The following MMP26 variants were observed in gnomAD, a reference collection of about 807,000 sequenced individuals.
The protein encoded by MMP26 is matrix metallopeptidase 26.
Under a neutral mutation model 31.0 loss-of-function variants are expected in MMP26, and 33 were observed. That is an observed-to-expected ratio of 1.06 (90% CI 0.81 to 1.42). The LOEUF (loss-of-function observed/expected upper bound fraction) is 1.42. Ranked by LOEUF, MMP26 falls within the 40% of genes most tolerant of loss-of-function variation. The pLI is 0.00. For synonymous variants in MMP26, 122 were observed against 114.9 expected (o/e 1.06, Z -0.40); for missense variants, 347 against 316.1 (o/e 1.10, Z -0.74).
intron 2 of MMP26, among the ~76,000 whole-genome samples, chr11:4,845,345 T>C (rs2133493698): frequency 6.6e-6 from 1 of 152,254 alleles, no homozygotes; most frequent in Non-Finnish European, 1.5e-5. Flanking sequence ...AAGCACTCTA[T>C]AGATTTAATG....
intron 2 of MMP26, among the ~76,000 whole-genome samples, chr11:4,858,676 C>T (rs957826925): frequency 2.6e-5 from 4 of 152,086 alleles, no homozygotes; most frequent in Admixed American, 6.5e-5. Context: ...CAATGCCATC[C>T]CCATCAAGCT....
rs578242905 is a variant in MMP26 at position 4,908,587 on chromosome 11, T to A, written c.-144-79481T>A. The A allele has an allele frequency of 6.5e-6, 3 of 464,394 alleles. No individual in the cohort carries two copies. In the South Asian group the frequency reaches 6.6e-5, roughly 10 times the overall value. 28.8% of individuals were successfully genotyped at this position (464,394 alleles called of 1,614,324 possible). ...TGGATTTGAGTCAACCCATAAAGAA[T>A]GAATACAATTTGGGCAGATTGAGAT... On this transcript the variant is annotated intron_variant, in intron 2 of 7. Coordinates refer to ENST00000380390, the MANE Select transcript of MMP26 (RefSeq NM_021801.5).
chr11:4,830,831 G>C (rs1281202634), intron 2 of MMP26, among the ~76,000 whole-genome samples: 2 of 152,130 alleles, frequency 1.3e-5, no homozygotes, highest in Non-Finnish European at 1.5e-5. Flanking sequence ...CCAATCTGAA[G>C]GGTAGACACA....
chr11:4,936,717 G>T (rs983885744), intron 2 of MMP26, among the ~76,000 whole-genome samples: 1 of 152,116 alleles, frequency 6.6e-6, no homozygotes, highest in Non-Finnish European at 1.5e-5. Context: ...ATGTACCCAT[G>T]AGAAGATAAA....
chr11:4,816,706 T>C (rs572996692), intron 2 of MMP26, among the ~76,000 whole-genome samples: 1 of 142,020 alleles, frequency 7.0e-6, no homozygotes, highest in Admixed American at 7.0e-5. Flanking sequence ...TCTTTTTTTT[T>C]TTTTTTTTTT....
chr11:4,764,045 T>C (rs892583150), intron 1 of MMP26, among the ~76,000 whole-genome samples: 1 of 152,180 alleles, frequency 6.6e-6, no homozygotes, highest in Non-Finnish European at 1.5e-5. Context: ...AAAGTAAGAT[T>C]TTAATGTTTA....
At position 4,986,744 on chromosome 11, in the gene MMP26, G is replaced by A. The variant is rs36224991; in HGVS notation, c.-144-1324G>A. Among the ~76,000 whole-genome samples the A allele has an allele frequency of 2.3e-4, 35 of 150,942 alleles. 1 individual carries two copies. The highest frequency in any genetic ancestry group is 8.3e-4 in the African/African-American group (34 of 41,064). ...GACGGGGTTTCACTATGTTGGCCGG[G>A]CTGGTCTTGAACTCCTGACCTCAGG... On this transcript the variant is annotated intron_variant, in intron 2 of 7. Transcript: ENST00000380390.
In MMP26 at chr11:4,879,687, A is replaced by G. The variant is rs374691364; in HGVS notation, c.-144-108381A>G. On this transcript the variant is annotated intron_variant, in intron 2 of 7. Coordinates refer to ENST00000380390, the MANE Select transcript of MMP26 (RefSeq NM_021801.5). ...GTTTGAAAGATATAGTTTCTGAAGCATATTATGTGTTCATCAAATGTTAAG... is the reference window on the plus strand; with the variant it reads ...GTTTGAAAGATATAGTTTCTGAAGCGTATTATGTGTTCATCAAATGTTAAG... Among the ~76,000 whole-genome samples the G allele has an allele frequency of 5.3e-5, 8 of 152,274 alleles. No individual in the cohort carries two copies. In the South Asian group the frequency reaches 1.0e-3, roughly 20 times the overall value.
At chr11:4,732,326 C>T (rs1456070553) in intron 1 of MMP26, among the ~76,000 whole-genome samples, 1 of 151,940 alleles carries the variant, frequency 6.6e-6, no homozygotes, top group African/African-American at 2.4e-5. Flanking sequence ...TAATCTTTTT[C>T]TTCTTATTTT....
At chr11:4,947,215 T>C in intron 2 of MMP26, 1 of 655,108 alleles carries the variant, frequency 1.5e-6, no homozygotes, top group Middle Eastern at 3.5e-4. Context: ...TTCTTTCAGC[T>C]TTCTTTTGAG....
chr11:4,810,314 C>T (rs181563342), intron 2 of MMP26, among the ~76,000 whole-genome samples: 2 of 118,454 alleles, frequency 1.7e-5, no homozygotes, highest in East Asian at 2.0e-4. Flanking sequence ...ATATGTAAGT[C>T]GAGTCGATGT....
intron 2 of MMP26, chr11:4,848,410 G>A (rs866748832): frequency 6.2e-7 from 1 of 1,613,928 alleles, no homozygotes; most frequent in African/African-American, 1.3e-5. Flanking sequence ...TGGTTAATCA[G>A]TGCCAGGAGG....
intron 2 of MMP26, among the ~76,000 whole-genome samples, chr11:4,843,897 A>G (rs11034177): frequency 0.019 from 2,843 of 152,308 alleles, 81 homozygotes; most frequent in African/African-American, 0.065. Context: ...GTACACCGTT[A>G]TAAGAAGAAA....
chr11:4,736,635 C>G (rs1848244308), intron 1 of MMP26: 1 of 152,186 alleles, frequency 6.6e-6, no homozygotes, highest in African/African-American at 2.4e-5. Flanking sequence ...GCAATAGGAT[C>G]ACGGTCCCCC....
intron 2 of MMP26, among the ~76,000 whole-genome samples, chr11:4,868,095 A>G (rs1260339358): frequency 1.3e-5 from 2 of 152,152 alleles, no homozygotes; most frequent in Non-Finnish European, 2.9e-5. Context: ...CTTTCCAAGG[A>G]CATGGATGGA....
chr11:4,988,375 G>A (rs1019240795), intron 3 of MMP26, 65 bp downstream of exon 3: 10 of 1,159,242 alleles, frequency 8.6e-6, no homozygotes, highest in Non-Finnish European at 1.3e-5. Flanking sequence ...TTTCGTGTGT[G>A]TGTGTATGTG....
At chr11:4,723,379 A>C (rs1311608307) in intron 1 of MMP26, 4 of 949,494 alleles carry the variant, frequency 4.2e-6, no homozygotes, top group Non-Finnish European at 6.9e-6. Context: ...GTTGGAGATC[A>C]CCTTGTACTG....
intron 2 of MMP26, among the ~76,000 whole-genome samples, chr11:4,881,248 C>T (rs1850457893): frequency 6.6e-6 from 1 of 152,240 alleles, no homozygotes; most frequent in African/African-American, 2.4e-5. Flanking sequence ...ACCACTGTCT[C>T]CTCTCCTCTT....
At chr11:4,855,569 A>C (rs1294211304) in intron 2 of MMP26, among the ~76,000 whole-genome samples, 1 of 152,230 alleles carries the variant, frequency 6.6e-6, no homozygotes. Context: ...ATATGAGACT[A>C]TGTGAAAAGA....
Sources: gnomAD v4.1 joint callset for allele counts (sites outside exome capture counted in the v4.1 genomes callset) on GRCh38, gnomAD v4.1.1 for gene constraint, MANE v1.5 for transcripts, NCBI Gene and HGNC (gene_info 2026-07-23, HGNC 2026-07-21) for gene names.